GLT8D1: variants seen among roughly 807,000 people sequenced by gnomAD.
GLT8D1 encodes glycosyltransferase 8 domain containing 1.
GLT8D1 carries 41 observed loss-of-function variants against 46.2 expected under a neutral mutation model. The ratio of observed to expected loss-of-function variants is 0.89; its 90% CI spans 0.69 to 1.15. The LOEUF (loss-of-function observed/expected upper bound fraction) is 1.15, where lower values mean the gene tolerates loss of function less well. Ranked by LOEUF, GLT8D1 falls within the 50% of genes most tolerant of loss-of-function variation. The probability of loss-of-function intolerance (pLI) is 0.00; values close to 1 mark genes in which losing one functional copy is unlikely to be tolerated. For missense variants in GLT8D1, 408 were observed against 449.3 expected (o/e 0.91, Z 0.83); for synonymous variants, 150 against 154.2 (o/e 0.97, Z 0.20).
chr3:52,700,487 G>C lies in GLT8D1; in HGVS notation c.-27C>G, dbSNP rs1419617811. The C allele has an allele frequency of 1.9e-6, 3 of 1,541,944 alleles. No individual in the cohort carries two copies. The highest frequency in any genetic ancestry group is 2.7e-6 in the Non-Finnish European group (3 of 1,121,850). ...TTTTTCTTCTGTCATATAAATATTAGTTTTTAACCCTACAAAACAAAAACA... is the reference window on the plus strand; with the variant it reads ...TTTTTCTTCTGTCATATAAATATTACTTTTTAACCCTACAAAACAAAAACA... On this transcript the variant is annotated 5_prime_UTR_variant, in exon 2 of 10. Transcript: ENST00000266014.
At position 52,696,037 on chromosome 3, in the gene GLT8D1, T is replaced by A; in HGVS notation, c.536A>T (p.Asp179Val). ...YMDDDVIVQGDILALYNTALK... is the reference protein window; with the variant it reads ...YMDDDVIVQGVILALYNTALK... ...TGCTGTATTGTAAAGGGCAAGAATA[T>A]CACCTGAAATAGACAAGATGTTAAG... Residue 179 changes from aspartate to valine, a missense_variant, in exon 7 of 10, where the codon GAT (aspartate) becomes GTT (valine). By Grantham distance (152) the Asp-to-Val change is radical. Coordinates refer to ENST00000266014, the MANE Select transcript of GLT8D1 (RefSeq NM_018446.4). The A allele has an allele frequency of 6.4e-7, 1 of 1,567,188 alleles. No homozygotes were observed. Among genetic ancestry groups the A allele is most frequent in the Non-Finnish European group, 8.8e-7 (1 of 1,137,846 alleles).
intron 1 of GLT8D1, chr3:52,704,018 T>C (rs2097341538): frequency 6.6e-6 from 1 of 152,184 alleles, no homozygotes; most frequent in African/African-American, 2.4e-5. Context: ...AGTCGGGGAT[T>C]GGCTCCAGGA....
intron 6 of GLT8D1, 39 bp from the exon 7 acceptor site, chr3:52,696,079 C>A: frequency 1.4e-6 from 2 of 1,379,376 alleles, no homozygotes; most frequent in South Asian, 1.2e-5. Flanking sequence ...ATTTCCGTTG[C>A]CTTGAGAGTT....
Position 52,695,946 on chromosome 3 carries a change from G to A in GLT8D1, c.627C>T (p.Ile209=). The change falls in exon 7 of 10, where the codon ATC becomes ATT. Residue 209 remains isoleucine (I), a synonymous_variant. Coordinates refer to ENST00000266014, the MANE Select transcript of GLT8D1 (RefSeq NM_018446.4). ...AATTTACCTGGTTTCCTGCTCCACGGATGACAACTTTAGTAGAGGCTGAAT... is the reference window on the plus strand; with the variant it reads ...AATTTACCTGGTTTCCTGCTCCACGAATGACAACTTTAGTAGAGGCTGAAT... ...DCDSASTKVV[I]RGAGNQYNYI... 2 of 1,603,060 alleles carry A rather than the reference G, an allele frequency of 1.2e-6. No homozygotes were observed. The highest frequency in any genetic ancestry group is 1.7e-6 in the Non-Finnish European group (2 of 1,169,898).
intron 9 of GLT8D1, 74 bp downstream of exon 9, chr3:52,695,116 A>G: frequency 7.1e-7 from 1 of 1,415,222 alleles, no homozygotes. Flanking sequence ...AACAAAGAAT[A>G]TACCCCATCC....
At chr3:52,699,540 C>T (rs1026507410) in intron 3 of GLT8D1, among the ~76,000 whole-genome samples, 7 of 152,174 alleles carry the variant, frequency 4.6e-5, no homozygotes, top group Non-Finnish European at 8.8e-5. Flanking sequence ...ACCTCAGCCT[C>T]CCAAAGTGCT....
At position 52,697,857 on chromosome 3, in the gene GLT8D1, CCT is replaced by C. The variant is rs1343923428; in HGVS notation, c.191_192del (p.Glu64GlyfsTer10). On this transcript the variant is annotated frameshift_variant, in exon 4 of 10. Coordinates refer to ENST00000266014, the MANE Select transcript of GLT8D1 (RefSeq NM_018446.4). LOFTEE classifies it high-confidence loss of function. ...GATGCAGCGATGACCACAGGAATCT[CCT>C]CTTGTCTCCCATCTACTGCATGTCG... ...ALRHAVDGRQ[E>X]EIPVVIAASE... 2.5e-6 allele frequency: 4 copies of C among 1,613,822 alleles called. No homozygotes were observed. In the South Asian group the frequency reaches 4.4e-5, roughly 18 times the overall value.
At position 52,700,456 on chromosome 3, in the gene GLT8D1, G is replaced by C; in HGVS notation, c.5C>G (p.Ser2Ter). 1 of 1,592,396 alleles carries C rather than the reference G, an allele frequency of 6.3e-7. No individual in the cohort carries two copies. Among genetic ancestry groups the C allele is most frequent in the Non-Finnish European group, 8.6e-7 (1 of 1,162,250 alleles). Residue 2 changes from serine (S) to a stop codon, truncating the protein, a stop_gained, in exon 2 of 10, where the codon TCA becomes TGA. Transcript: ENST00000266014. LOFTEE classifies it high-confidence loss of function. Reference sequence around the variant, plus strand: ...TAGAAAGAGCATACCTTTACGGAATGACATCTTTTTCTTCTGTCATATAAA... The same window carrying C: ...TAGAAAGAGCATACCTTTACGGAATCACATCTTTTTCTTCTGTCATATAAA... M[S>*]FRKVNIIILV... is the part of the protein sequence containing the mutation.
At chr3:52,703,513 A>C (rs1484464921) in intron 1 of GLT8D1, 1 of 152,072 alleles carries the variant, frequency 6.6e-6, no homozygotes, top group Non-Finnish European at 1.5e-5. Context: ...CCTTATCTAC[A>C]GAAGCTGGCA....
At chr3:52,695,749 C>T (rs1173872169) in intron 7 of GLT8D1, 162 bp from the exon 8 acceptor site, 23 of 637,462 alleles carry the variant, frequency 3.6e-5, no homozygotes, top group Non-Finnish European at 6.1e-5. Context: ...ACATAATAAA[C>T]CAGATGTTCA....
At chr3:52,698,117 A>G (rs558522251) in intron 3 of GLT8D1, among the ~76,000 whole-genome samples, 183 bp from the exon 4 acceptor site, 1 of 152,350 alleles carries the variant, frequency 6.6e-6, no homozygotes, top group East Asian at 1.9e-4. Context: ...AAGTGGAGGA[A>G]GCATTTTTTA....
intron 3 of GLT8D1, among the ~76,000 whole-genome samples, chr3:52,699,180 C>A (rs1412396038): frequency 6.6e-6 from 1 of 152,134 alleles, no homozygotes; most frequent in Non-Finnish European, 1.5e-5. Flanking sequence ...TAAATGAAAT[C>A]ATTCAACCAA....
rs775517143 is a variant in GLT8D1 at position 52,695,480 on chromosome 3, C to T, written c.753G>A (p.Thr251=). ...TAGTTATATTCTGTCGTTTCCATTC[C>T]GTCAGGTTTGCAACAAAAACTCCAG... The part of the protein sequence containing the change: ...FNPGVFVANL[T]EWKRQNITNQ... Residue 251 remains threonine (T), a synonymous_variant, in exon 8 of 10, where the codon ACG becomes ACA. Coordinates refer to ENST00000266014, the MANE Select transcript of GLT8D1 (RefSeq NM_018446.4). 1.6e-5 allele frequency: 26 copies of T among 1,613,538 alleles called. No individual in the cohort carries two copies. Among genetic ancestry groups the T allele is most frequent in the East Asian group, 8.9e-5 (4 of 44,892 alleles).
chr3:52,701,182 G>A (rs1288248895), intron 1 of GLT8D1: 1 of 152,078 alleles, frequency 6.6e-6, no homozygotes, highest in African/African-American at 2.4e-5. Flanking sequence ...GTAAAAACAT[G>A]CCTGTTCAGA....
intron 3 of GLT8D1, 147 bp from the exon 4 acceptor site, chr3:52,698,081 C>T (rs1465652777): frequency 8.1e-6 from 5 of 614,300 alleles, no homozygotes; most frequent in Non-Finnish European, 1.2e-5. Context: ...CTGAAACTTT[C>T]CCTGTATGTA....
rs767775477 is a variant in GLT8D1 at position 52,695,532 on chromosome 3, A to G, written c.701T>C (p.Met234Thr). The G allele has an allele frequency of 1.2e-6, 2 of 1,610,644 alleles. No individual in the cohort carries two copies. Among genetic ancestry groups the G allele is most frequent in the South Asian group, 1.1e-5 (1 of 91,012 alleles). ...ATTAAATGAGCAAGTGCTGGCTTTC[A>G]TGGAAAGCTTACGAATTCTTTCCTT... ...YKKERIRKLSMKASTCSFNPG... is the reference protein window; with the variant it reads ...YKKERIRKLSTKASTCSFNPG... Residue 234 changes from methionine (M) to threonine (T), a missense_variant, in exon 8 of 10, where the codon ATG (methionine) becomes ACG (threonine). Transcript: ENST00000266014.
intron 1 of GLT8D1, among the ~76,000 whole-genome samples, chr3:52,701,050 G>A (rs2097338934): frequency 1.3e-5 from 2 of 152,106 alleles, no homozygotes; most frequent in Admixed American, 6.5e-5. Flanking sequence ...GGGCGACAGA[G>A]TGAGACTCTG....
chr3:52,695,158 A>C (rs747832948), intron 9 of GLT8D1, 32 bp downstream of exon 9: 16 of 1,518,834 alleles, frequency 1.1e-5, no homozygotes, highest in Non-Finnish European at 1.8e-6. Context: ...CCAATTCTTT[A>C]CTAGCTTATG....
chr3:52,697,836 C>T lies in GLT8D1; in HGVS notation c.214G>A (p.Ala72Thr), dbSNP rs1431030856. The change falls in exon 4 of 10, where the codon GCA (alanine) becomes ACA (threonine). Residue 72 changes from alanine to threonine, a missense_variant. Transcript: ENST00000266014. ...GCCCCCCCAAGCCTGTCTTCAGATG[C>T]AGCGATGACCACAGGAATCTCCTCT... is the stretch of plus-strand genomic sequence containing the variant. ...RQEEIPVVIA[A>T]SEDRLGGAIA... 5.0e-6 allele frequency: 8 copies of T among 1,613,332 alleles called. No individual in the cohort carries two copies. Among genetic ancestry groups the T allele is most frequent in the South Asian group, 3.3e-5 (3 of 91,062 alleles).
Sources: allele counts gnomAD v4.1 joint callset (sites outside exome capture counted in the v4.1 genomes callset), GRCh38; gene constraint gnomAD v4.1.1; transcripts MANE v1.5; gene names NCBI Gene and HGNC (gene_info 2026-07-23, HGNC 2026-07-21).